ISOC1: variants seen among roughly 807,000 people sequenced by gnomAD.
ISOC1 encodes the protein isochorismatase domain-containing protein 1.
In ISOC1, 33 loss-of-function variants were observed where a neutral mutation model predicts 30.0. That is an observed-to-expected ratio of 1.10 (90% CI 0.83 to 1.47). The LOEUF is 1.47. Among genes scored for constraint, ISOC1 ranks in the 40% most tolerant of loss-of-function variants. The pLI is 0.00. For synonymous variants in ISOC1, 178 were observed against 159.8 expected (o/e 1.11, Z -0.86); for missense variants, 372 against 388.0 (o/e 0.96, Z 0.35).
At chr5:129,103,715 A>T (rs1187463785) in intron 1 of ISOC1, among the ~76,000 whole-genome samples, 10 of 152,210 alleles carry the variant, frequency 6.6e-5, no homozygotes, top group Non-Finnish European at 1.5e-5. Context: ...GGAGAGTCTA[A>T]GGCTGTGTTG....
chr5:129,101,685 C>G (rs1434640181), intron 1 of ISOC1, among the ~76,000 whole-genome samples: 1 of 152,144 alleles, frequency 6.6e-6, no homozygotes, highest in Non-Finnish European at 1.5e-5. Flanking sequence ...AACCAAAGAA[C>G]CAACATTGGT....
chr5:129,095,467 G>A (rs1753484805), intron 1 of ISOC1, among the ~76,000 whole-genome samples: 2 of 152,198 alleles, frequency 1.3e-5, no homozygotes, highest in South Asian at 4.1e-4. Context: ...TGCAGAATGG[G>A]GGGAAATGAG....
intron 1 of ISOC1, among the ~76,000 whole-genome samples, chr5:129,096,769 G>A (rs528848786): frequency 5.4e-4 from 83 of 152,308 alleles, no homozygotes; most frequent in African/African-American, 1.9e-3. Context: ...TAAGGATGCA[G>A]ACTTCTTTAT....
chr5:129,105,534 G>A (rs976607), intron 3 of ISOC1, 146 bp downstream of exon 3: 51,335 of 683,604 alleles, frequency 0.075, 2,546 homozygotes, highest in African/African-American at 0.19. Context: ...TATTTGCATG[G>A]CACTGATCTG....
At chr5:129,096,997 T>A (rs999929857) in intron 1 of ISOC1, among the ~76,000 whole-genome samples, 19 of 152,192 alleles carry the variant, frequency 1.2e-4, no homozygotes, top group Non-Finnish European at 1.9e-4. Flanking sequence ...AAAGGCGTTA[T>A]ATAATTCTGG....
At position 129,113,172 on chromosome 5, in the gene ISOC1, C is replaced by T; in HGVS notation, c.*171C>T. ...ACCAGCTAGACCATTTGAGTACCAG[C>T]ATTTAGTTACAAACGTCAAAGGCTT... is the stretch of plus-strand genomic sequence containing the variant. On this transcript the variant is annotated 3_prime_UTR_variant, in exon 5 of 5. Transcript: ENST00000173527. 2.0e-6 allele frequency: 1 copy of T among 505,228 alleles called. No homozygotes were observed. The highest frequency in any genetic ancestry group is 3.4e-6 in the Non-Finnish European group (1 of 292,784). The allele number at this position is 505,228 out of a possible 1,614,324, so 31.3% of individuals were successfully genotyped here.
intron 4 of ISOC1, among the ~76,000 whole-genome samples, chr5:129,110,292 G>A (rs948923200): frequency 5.9e-5 from 9 of 152,154 alleles, no homozygotes; most frequent in Admixed American, 3.9e-4. Flanking sequence ...GCATTAAATG[G>A]CTGGAGTTTT....
At chr5:129,098,387 A>G (rs530469859) in intron 1 of ISOC1, among the ~76,000 whole-genome samples, 1 of 152,318 alleles carries the variant, frequency 6.6e-6, no homozygotes. Flanking sequence ...AGCTTTGCCA[A>G]ATGCTTGAGA....
At position 129,095,050 on chromosome 5, in the gene ISOC1, TG is replaced by T. The variant is rs1232377216; in HGVS notation, c.285del (p.Arg96AlafsTer55). On this transcript the variant is annotated frameshift_variant, in exon 1 of 5. Coordinates refer to ENST00000173527, the MANE Select transcript of ISOC1 (RefSeq NM_016048.2). LOFTEE classifies it high-confidence loss of function. Reference sequence around the variant, plus strand: ...TTCGCGGTGAGCGAGCGCTGCAAGGTGCGCCTCGTGCCGTTGCAGATCCAGG... The same window carrying T: ...TTCGCGGTGAGCGAGCGCTGCAAGGTCGCCTCGTGCCGTTGCAGATCCAGG... ...KGFAVSERCKVRLVPLQIQLT... is the reference protein window; with the variant it reads ...KGFAVSERCKXRLVPLQIQLT... 7 of 1,585,604 alleles carry T rather than the reference TG, an allele frequency of 4.4e-6. No individual in the cohort carries two copies. The highest frequency in any genetic ancestry group is 6.0e-6 in the Non-Finnish European group (7 of 1,169,076).
chr5:129,109,804 A>T (rs756459290), intron 4 of ISOC1, among the ~76,000 whole-genome samples: 3 of 152,218 alleles, frequency 2.0e-5, no homozygotes, highest in Non-Finnish European at 4.4e-5. Context: ...GAAAGTTAAA[A>T]TACCATTGTG....
In ISOC1 at chr5:129,105,304, C is replaced by T; in HGVS notation, c.549C>T (p.Thr183=). 1 of 1,613,616 alleles carries T rather than the reference C, an allele frequency of 6.2e-7. No individual in the cohort carries two copies. Among genetic ancestry groups the T allele is most frequent in the Non-Finnish European group, 8.5e-7 (1 of 1,179,788 alleles). Residue 183 remains threonine (T), a synonymous_variant, in exon 3 of 5, where the codon ACC becomes ACT. Coordinates refer to ENST00000173527, the MANE Select transcript of ISOC1 (RefSeq NM_016048.2). ...GTGTAAAACTGGTACTTCCAAAGACCAAGTTTTCAATGGTATTACCAGAAG... is the reference window on the plus strand; with the variant it reads ...GTGTAAAACTGGTACTTCCAAAGACTAAGTTTTCAATGGTATTACCAGAAG... ...LTGVKLVLPK[T]KFSMVLPEVE...
At chr5:129,097,376 GAGAT>G (rs1393942262) in intron 1 of ISOC1, among the ~76,000 whole-genome samples, 10 of 152,200 alleles carry the variant, frequency 6.6e-5, no homozygotes, top group African/African-American at 2.2e-4. Context: ...TGAGAAGAGA[GAGAT>G]ATATATACAC....
rs563604885 is a variant in ISOC1 at position 129,095,118 on chromosome 5, G to C, written c.309+43G>C. The C allele has an allele frequency of 6.8e-6, 10 of 1,466,756 alleles. No homozygotes were observed. In the South Asian group the frequency reaches 1.1e-4, roughly 16 times the overall value. 90.9% of individuals were successfully genotyped at this position (1,466,756 alleles called of 1,614,324 possible). A position where few individuals can be genotyped will look rare whatever the true frequency, so the allele number is the denominator to read the frequency against. On this transcript the variant is annotated intron_variant, in intron 1 of 4. Transcript: ENST00000173527. Reference sequence around the variant, plus strand: ...CCGCGCGCTTCCCTGTTCCCGAGTCGTCCCCGTCCCCGTCCCTGTCCCCGC... The same window carrying C: ...CCGCGCGCTTCCCTGTTCCCGAGTCCTCCCCGTCCCCGTCCCTGTCCCCGC...
intron 1 of ISOC1, among the ~76,000 whole-genome samples, chr5:129,096,332 C>G (rs978388543): frequency 2.0e-5 from 3 of 152,098 alleles, no homozygotes; most frequent in Admixed American, 1.3e-4. Flanking sequence ...TTAACAGTGC[C>G]ATTTTCTGAG....
At chr5:129,101,812 T>C (rs1753575126) in intron 1 of ISOC1, among the ~76,000 whole-genome samples, 1 of 152,242 alleles carries the variant, frequency 6.6e-6, no homozygotes, top group Non-Finnish European at 1.5e-5. Flanking sequence ...TCTTGTCTCC[T>C]TTGGCTCCTC....
Position 129,095,023 on chromosome 5 carries a change from G to T in ISOC1, c.257G>T (p.Gly86Val), listed in dbSNP as rs751156628. The T allele has an allele frequency of 1.2e-6, 2 of 1,600,678 alleles. No individual in the cohort carries two copies. Among genetic ancestry groups the T allele is most frequent in the Non-Finnish European group, 1.7e-6 (2 of 1,175,892 alleles). Residue 86 changes from glycine to valine, a missense_variant, in exon 1 of 5, where the codon GGC becomes GTC. Gly to Val is a moderately radical substitution (Grantham distance 109, BLOSUM62 -3). Transcript: ENST00000173527. ...GGCCAGTACGTGGACTTGCCCAAGG[G>T]CTTCGCGGTGAGCGAGCGCTGCAAG... The part of the protein sequence containing the change: ...EWGQYVDLPK[G>V]FAVSERCKVR...
At chr5:129,111,268 TTTTTG>T (rs1753705664) in intron 4 of ISOC1, among the ~76,000 whole-genome samples, 1 of 149,054 alleles carries the variant, frequency 6.7e-6, no homozygotes, top group Admixed American at 6.7e-5. Flanking sequence ...ATAGCTGCTG[TTTTTG>T]TTTTGTTTTA....
Position 129,101,514 on chromosome 5 carries a change from A to C in ISOC1, c.310-3442A>C, listed in dbSNP as rs531512228. 3.9e-5 allele frequency among the ~76,000 whole-genome samples: 6 copies of C among 152,202 alleles called. No individual in the cohort carries two copies. In the East Asian group the frequency reaches 1.2e-3, roughly 29 times the overall value. The stretch of plus-strand genomic sequence containing the variant: ...TGTCTCAAAAAAATATGTTTTGTAG[A>C]GACAAGGTCTCACTGTGTTGCCTAG... On this transcript the variant is annotated intron_variant, in intron 1 of 4. Transcript: ENST00000173527.
At position 129,105,127 on chromosome 5, in the gene ISOC1, A is replaced by C. The variant is rs772761974; in HGVS notation, c.429+52A>C. On this transcript the variant is annotated intron_variant, in intron 2 of 4. Coordinates refer to ENST00000173527, the MANE Select transcript of ISOC1 (RefSeq NM_016048.2). Reference sequence around the variant, plus strand: ...ATTTGCTGAATCATCATATACACTCATATATACACATATATGTATATAGCT... The same window carrying C: ...ATTTGCTGAATCATCATATACACTCCTATATACACATATATGTATATAGCT... 6 of 1,608,782 alleles carry C rather than the reference A, an allele frequency of 3.7e-6. No homozygotes were observed. In the African/African-American group the frequency reaches 8.3e-5, roughly 22 times the overall value.
Sources: gnomAD v4.1 joint callset for allele counts (sites outside exome capture counted in the v4.1 genomes callset) on GRCh38, gnomAD v4.1.1 for gene constraint, MANE v1.5 for transcripts, NCBI Gene and HGNC (gene_info 2026-07-23, HGNC 2026-07-21) for gene names.